The following SZRD1 variants were observed in gnomAD, a reference collection of about 807,000 sequenced individuals.
The protein encoded by SZRD1 is SUZ RNA binding domain containing 1.
Under a neutral mutation model 17.6 loss-of-function variants are expected in SZRD1, and 7 were observed. The ratio of observed to expected loss-of-function variants is 0.40; its 90% CI spans 0.23 to 0.75. SZRD1 has a LOEUF of 0.75. SZRD1 is among the 30% of genes least tolerant of loss of function. The pLI is 0.38. For missense variants in SZRD1, 178 were observed against 201.8 expected (o/e 0.88, Z 0.71); for synonymous variants, 77 against 77.9 (o/e 0.99, Z 0.06).
intron 1 of SZRD1, chr1:16,390,590 A>G (rs1165029588): frequency 6.6e-6 from 1 of 152,254 alleles, no homozygotes; most frequent in Admixed American, 6.5e-5. Context: ...CTCCAAAGCC[A>G]CAAACATAAG....
In SZRD1 at chr1:16,367,265, A is replaced by T; in HGVS notation, c.8A>T (p.Asp3Val). Residue 3 changes from aspartate to valine, a missense_variant, in exon 1 of 4, where the codon GAT becomes GTT. Asp to Val is a radical substitution (Grantham distance 152). Coordinates refer to ENST00000401088, the MANE Select transcript of SZRD1 (RefSeq NM_001114600.3). ...GGGAAAGCGGCGAGTAAGATGGAAG[A>T]TGAGGAGGTCGCTGAGAGCTGGGAA... ME[D>V]EEVAESWEEA... 1 of 1,548,650 alleles carries T rather than the reference A, an allele frequency of 6.5e-7. No individual in the cohort carries two copies. Among genetic ancestry groups the T allele is most frequent in the Non-Finnish European group, 8.7e-7 (1 of 1,146,522 alleles).
intron 1 of SZRD1, among the ~76,000 whole-genome samples, chr1:16,373,868 GC>G (rs1381039263): frequency 1.3e-5 from 2 of 152,164 alleles, no homozygotes; most frequent in African/African-American, 4.8e-5. Context: ...CTCCCGGAGT[GC>G]TGGGATTGCA....
chr1:16,378,912 AGAGGAGGTTTTGCCATTTT>A (rs1474875682), intron 1 of SZRD1, among the ~76,000 whole-genome samples: 1 of 146,814 alleles, frequency 6.8e-6, no homozygotes, highest in African/African-American at 2.5e-5. Context: ...TTTTTGGTGG[AGAGGAGGTTTTGCCATTTT>A]GACCAGGCTG....
At chr1:16,370,537 T>A (rs369386015) in intron 1 of SZRD1, among the ~76,000 whole-genome samples, 17 of 143,922 alleles carry the variant, frequency 1.2e-4, no homozygotes, top group South Asian at 4.3e-4. Context: ...TTTTTTTTTT[T>A]AATTTTTTTT....
chr1:16,386,430 G>A (rs1243127999), intron 1 of SZRD1, among the ~76,000 whole-genome samples: 2 of 152,182 alleles, frequency 1.3e-5, no homozygotes, highest in African/African-American at 4.8e-5. Flanking sequence ...TAATTCCATT[G>A]GGCTATTGCA....
intron 1 of SZRD1, chr1:16,369,120 CTT>C (rs1307655493): frequency 2.6e-6 from 1 of 387,210 alleles, no homozygotes; most frequent in African/African-American, 2.1e-5. Flanking sequence ...TATTGAAAAA[CTT>C]ATACAAAATA....
chr1:16,371,243 G>A (rs1033437844), intron 1 of SZRD1, among the ~76,000 whole-genome samples: 1 of 151,894 alleles, frequency 6.6e-6, no homozygotes, highest in Non-Finnish European at 1.5e-5. Flanking sequence ...CCAGGCTGGG[G>A]TGCAGTGGGG....
At chr1:16,384,694 A>C (rs2083159768) in intron 1 of SZRD1, among the ~76,000 whole-genome samples, 1 of 152,220 alleles carries the variant, frequency 6.6e-6, no homozygotes, top group African/African-American at 2.4e-5. Context: ...GTGGGAGTTC[A>C]GGGCCGGAAC....
intron 1 of SZRD1, chr1:16,387,157 A>C: frequency 2.6e-6 from 1 of 386,962 alleles, no homozygotes; most frequent in South Asian, 1.9e-5. Context: ...GTATTATATT[A>C]CATGCCAAGT....
In SZRD1 at chr1:16,396,754, A is replaced by C. The variant is rs2100762504; in HGVS notation, c.*1614A>C. 1 of 152,402 alleles carries C rather than the reference A, an allele frequency of 6.6e-6. No individual in the cohort carries two copies. Among genetic ancestry groups the C allele is most frequent in the Admixed American group, 6.5e-5 (1 of 15,298 alleles). The allele number at this position is 152,402 out of a possible 1,614,324, so 9.4% of individuals were successfully genotyped here. On this transcript the variant is annotated 3_prime_UTR_variant, in exon 4 of 4. Transcript: ENST00000401088. Reference sequence around the variant, plus strand: ...CACTCCCTCGTTGGTTCCCTGTGGGAATGGTAGGCCAGGCCCAGTAAGCCA... The same window carrying C: ...CACTCCCTCGTTGGTTCCCTGTGGGCATGGTAGGCCAGGCCCAGTAAGCCA...
intron 1 of SZRD1, among the ~76,000 whole-genome samples, chr1:16,378,666 C>G (rs1312090548): frequency 1.4e-4 from 22 of 152,114 alleles, no homozygotes; most frequent in Non-Finnish European, 4.4e-5. Flanking sequence ...CTTAGGAAAC[C>G]TGGGCTTGCA....
At chr1:16,394,291 G>A (rs906291605) in intron 3 of SZRD1, among the ~76,000 whole-genome samples, 2 of 152,106 alleles carry the variant, frequency 1.3e-5, no homozygotes, top group East Asian at 1.9e-4. Flanking sequence ...TGAGTCAACC[G>A]TTAACCGCAG....
rs184861932 is a variant in SZRD1 at position 16,377,666 on chromosome 1, G to T, written c.51+10358G>T. On this transcript the variant is annotated intron_variant, in intron 1 of 3. Transcript: ENST00000401088. ...TAGGTCAGAAGACTGGGATTTAAATGCCTGGTCTGATTTTTGGACAAATCA... is the reference window on the plus strand; with the variant it reads ...TAGGTCAGAAGACTGGGATTTAAATTCCTGGTCTGATTTTTGGACAAATCA... 1.6e-4 allele frequency among the ~76,000 whole-genome samples: 25 copies of T among 151,800 alleles called. No individual in the cohort carries two copies. In the East Asian group the frequency reaches 4.4e-3, roughly 27 times the overall value.
chr1:16,379,580 G>T (rs6603859), intron 1 of SZRD1, among the ~76,000 whole-genome samples: 77,409 of 152,006 alleles, frequency 0.51, 19,729 homozygotes, highest in East Asian at 0.68. Context: ...AAGGCAGCCT[G>T]AGCTCTTATT....
chr1:16,378,345 G>A (rs148828993), intron 1 of SZRD1, among the ~76,000 whole-genome samples: 71 of 149,954 alleles, frequency 4.7e-4, no homozygotes, highest in African/African-American at 1.7e-3. Flanking sequence ...GAGTGCAGTG[G>A]TGTGATCAGC....
At chr1:16,394,117 G>A (rs1376286752) in intron 3 of SZRD1, among the ~76,000 whole-genome samples, 1 of 152,138 alleles carries the variant, frequency 6.6e-6, no homozygotes, top group Non-Finnish European at 1.5e-5. Flanking sequence ...CATTAAGATG[G>A]CCTCCTTCTA....
At chr1:16,373,616 T>G (rs79251282) in intron 1 of SZRD1, among the ~76,000 whole-genome samples, 11 of 151,806 alleles carry the variant, frequency 7.2e-5, no homozygotes, top group African/African-American at 2.7e-4. Context: ...TTTTTTTTTT[T>G]GAGACAGGGT....
At chr1:16,373,631 C>T (rs1310293356) in intron 1 of SZRD1, among the ~76,000 whole-genome samples, 3 of 150,536 alleles carry the variant, frequency 2.0e-5, no homozygotes, top group African/African-American at 7.3e-5. Flanking sequence ...CAGGGTCTCA[C>T]TCTGTCACCC....
At chr1:16,382,947 C>T (rs2083130490) in intron 1 of SZRD1, among the ~76,000 whole-genome samples, 2 of 151,748 alleles carry the variant, frequency 1.3e-5, no homozygotes, top group African/African-American at 4.8e-5. Flanking sequence ...CTTACTGCAA[C>T]CTCCGCCTCC....
Sources: allele counts gnomAD v4.1 joint callset (sites outside exome capture counted in the v4.1 genomes callset), GRCh38; gene constraint gnomAD v4.1.1; transcripts MANE v1.5; gene names NCBI Gene and HGNC (gene_info 2026-07-23, HGNC 2026-07-21).